The following MLIP variants were observed in gnomAD, a reference collection of about 807,000 sequenced individuals.
MLIP encodes muscular LMNA interacting protein.
Under a neutral mutation model 84.8 loss-of-function variants are expected in MLIP, and 79 were observed. The ratio of observed to expected loss-of-function variants is 0.93; its 90% CI spans 0.78 to 1.12. MLIP has a LOEUF of 1.12. Ranked by LOEUF, MLIP falls within the 50% of genes most tolerant of loss-of-function variation. MLIP has a pLI of 0.00. For missense variants in MLIP, 1,257 were observed against 1,160.6 expected (o/e 1.08, Z -1.21); for synonymous variants, 504 against 463.0 (o/e 1.09, Z -1.14).
At chr6:54,063,007 G>A (rs550623566) in intron 1 of MLIP, among the ~76,000 whole-genome samples, 39 of 152,056 alleles carry the variant, frequency 2.6e-4, no homozygotes, top group African/African-American at 9.4e-4. Flanking sequence ...TTCGAGACAA[G>A]CCTGATCAAC....
chr6:54,087,037 A>T (rs1051370389), intron 1 of MLIP, among the ~76,000 whole-genome samples: 1 of 152,178 alleles, frequency 6.6e-6, no homozygotes, highest in Non-Finnish European at 1.5e-5. Context: ...AGGTTACATG[A>T]GGGCAGGGAT....
At chr6:54,181,604 C>T (rs1190971028) in intron 9 of MLIP, among the ~76,000 whole-genome samples, 1 of 152,204 alleles carries the variant, frequency 6.6e-6, no homozygotes, top group Non-Finnish European at 1.5e-5. Context: ...ACTATAGCCA[C>T]CACAGCTGAG....
intron 1 of MLIP, among the ~76,000 whole-genome samples, chr6:54,088,519 C>G (rs1000110342): frequency 1.3e-5 from 2 of 152,138 alleles, no homozygotes; most frequent in East Asian, 1.9e-4. Flanking sequence ...CTTTTAATTA[C>G]AGAGGGGTCA....
chr6:54,232,431 A>T (rs1394424972), intron 12 of MLIP, among the ~76,000 whole-genome samples: 1 of 152,182 alleles, frequency 6.6e-6, no homozygotes, highest in East Asian at 1.9e-4. Flanking sequence ...AACTATTTTC[A>T]GTCCACATAA....
intron 1 of MLIP, among the ~76,000 whole-genome samples, chr6:54,091,940 C>T (rs1767899902): frequency 6.6e-6 from 1 of 152,116 alleles, no homozygotes; most frequent in South Asian, 2.1e-4. Context: ...AAGATTGTCT[C>T]TAAACTAAGC....
At chr6:54,094,369 A>T (rs1444390479) in intron 1 of MLIP, among the ~76,000 whole-genome samples, 3 of 151,822 alleles carry the variant, frequency 2.0e-5, no homozygotes, top group Non-Finnish European at 4.4e-5. Flanking sequence ...CTTCTTGTCC[A>T]TTGTTGCATA....
chr6:54,077,716 A>C (rs966772036), intron 1 of MLIP, among the ~76,000 whole-genome samples: 1 of 152,204 alleles, frequency 6.6e-6, no homozygotes, highest in Admixed American at 6.5e-5. Context: ...AGCTGCATAA[A>C]CTTAAAGCAT....
intron 1 of MLIP, among the ~76,000 whole-genome samples, chr6:54,039,022 G>A (rs773647633): frequency 9.9e-5 from 15 of 151,662 alleles, no homozygotes; most frequent in South Asian, 6.2e-4. Context: ...GTTGAACTGG[G>A]AGACACATAA....
chr6:54,160,898 A>G (rs1774568720), intron 8 of MLIP, 99 bp downstream of exon 8: 2 of 911,528 alleles, frequency 2.2e-6, no homozygotes, highest in African/African-American at 1.7e-5. Context: ...TGAGAAATAA[A>G]TTTAGTGAAT....
At chr6:54,104,290 G>C (rs549815740) in intron 1 of MLIP, among the ~76,000 whole-genome samples, 41 of 152,162 alleles carry the variant, frequency 2.7e-4, no homozygotes, top group Non-Finnish European at 4.3e-4. Context: ...TACCTCAAAA[G>C]ATGCTGGCAT....
intron 11 of MLIP, among the ~76,000 whole-genome samples, chr6:54,209,038 A>G (rs1383227632): frequency 6.6e-6 from 1 of 152,168 alleles, no homozygotes; most frequent in Non-Finnish European, 1.5e-5. Flanking sequence ...ACATAATGAA[A>G]ATTGGGGGTA....
intron 13 of MLIP, among the ~76,000 whole-genome samples, chr6:54,258,111 TA>T (rs1435401282): frequency 6.6e-6 from 1 of 152,034 alleles, no homozygotes; most frequent in Non-Finnish European, 1.5e-5. Context: ...AAAGTGATTT[TA>T]AAAAACTTAT....
At position 54,137,118 on chromosome 6, in the gene MLIP, C is replaced by G. The variant is rs916951533; in HGVS notation, c.1049C>G (p.Pro350Arg). 1 of 1,536,086 alleles carries G rather than the reference C, an allele frequency of 6.5e-7. No individual in the cohort carries two copies. Among genetic ancestry groups the G allele is most frequent in the Non-Finnish European group, 8.7e-7 (1 of 1,146,890 alleles). ...GESPRTSSSP[P>R]SSSASLKSNS... ...AGTCCGAGAACCTCTTCTTCTCCACCGTCCTCCAGTGCTTCTCTGAAGTCG... is the reference window on the plus strand; with the variant it reads ...AGTCCGAGAACCTCTTCTTCTCCACGGTCCTCCAGTGCTTCTCTGAAGTCG... The change falls in exon 4 of 14, where the codon CCG becomes CGG. Residue 350 changes from proline (P) to arginine (R), a missense_variant. By Grantham distance (103) the Pro-to-Arg change is moderately radical (BLOSUM62 -2). Transcript: ENST00000502396.
intron 1 of MLIP, among the ~76,000 whole-genome samples, chr6:54,099,921 GA>G (rs1768517541): frequency 6.6e-6 from 1 of 151,942 alleles, no homozygotes; most frequent in African/African-American, 2.4e-5. Flanking sequence ...GTTGATCAGA[GA>G]AAAAAGGAAA....
intron 12 of MLIP, among the ~76,000 whole-genome samples, chr6:54,248,456 A>G (rs1782236608): frequency 1.3e-5 from 2 of 152,188 alleles, no homozygotes. Flanking sequence ...CTGTGCACTG[A>G]AAAAAGTGAA....
chr6:54,083,142 G>A (rs1270114483), intron 1 of MLIP, among the ~76,000 whole-genome samples: 1 of 151,902 alleles, frequency 6.6e-6, no homozygotes, highest in Non-Finnish European at 1.5e-5. Context: ...CTTACTTAAG[G>A]CTTTCTATTT....
intron 11 of MLIP, among the ~76,000 whole-genome samples, chr6:54,227,882 T>C (rs922427885): frequency 6.6e-6 from 1 of 152,034 alleles, no homozygotes; most frequent in Non-Finnish European, 1.5e-5. Context: ...AGACACAGGC[T>C]ATTAGAAATA....
At chr6:54,066,337 T>C (rs1380768963) in intron 1 of MLIP, among the ~76,000 whole-genome samples, 1 of 100,844 alleles carries the variant, frequency 9.9e-6, no homozygotes, top group Non-Finnish European at 2.8e-5. Context: ...ATATGTATTA[T>C]ATATTTGGCT....
intron 11 of MLIP, among the ~76,000 whole-genome samples, chr6:54,224,951 A>G (rs1205274740): frequency 6.6e-6 from 1 of 152,174 alleles, no homozygotes; most frequent in South Asian, 2.1e-4. Context: ...TTCGTTGTCT[A>G]TAGTGTATAT....
Sources: allele counts gnomAD v4.1 joint callset (sites outside exome capture counted in the v4.1 genomes callset), GRCh38; gene constraint gnomAD v4.1.1; transcripts MANE v1.5; gene names NCBI Gene and HGNC (gene_info 2026-07-23, HGNC 2026-07-21).